ZNF790: variants seen among roughly 807,000 people sequenced by gnomAD.
ZNF790 encodes the protein zinc finger protein 790.
ZNF790 carries 8 observed loss-of-function variants against 12.1 expected under a neutral mutation model. That is an observed-to-expected ratio of 0.66 (90% CI 0.39 to 1.19). The LOEUF is 1.19. ZNF790 is among the 50% of genes most tolerant of loss of function. ZNF790 has a pLI of 0.01. For missense variants in ZNF790, 707 were observed against 752.2 expected, an observed-to-expected ratio of 0.94 and a Z score of 0.70; for synonymous variants, 252 against 244.3, an observed-to-expected ratio of 1.03 and a Z score of -0.29.
intron 1 of ZNF790, among the ~76,000 whole-genome samples, chr19:36,826,145 C>G (rs989991798): frequency 1.3e-5 from 2 of 152,120 alleles, no homozygotes. Flanking sequence ...CTGGGCCTTT[C>G]CCTTATAGGA....
chr19:36,846,550 C>A (rs565503411), intron 1 of ZNF790, among the ~76,000 whole-genome samples: 2 of 151,192 alleles, frequency 1.3e-5, no homozygotes, highest in East Asian at 3.9e-4. Flanking sequence ...GGCGACAGAG[C>A]GAGACTCCGT....
upstream of ZNF790, chr19:36,850,398 CAAG>C (rs1334260836): frequency 6.6e-6 from 1 of 152,252 alleles, no homozygotes; most frequent in African/African-American, 2.4e-5. Flanking sequence ...CTTAAACAGG[CAAG>C]AAGGACTTGG....
intron 1 of ZNF790, among the ~76,000 whole-genome samples, chr19:36,836,793 C>G (rs2072056026): frequency 1.3e-5 from 2 of 152,060 alleles, no homozygotes; most frequent in African/African-American, 4.8e-5. Context: ...AAGCCCCTAC[C>G]CAACAATCAA....
rs762264665 is a variant in ZNF790, at chr19:36,819,868, A to G, written c.476T>C (p.Leu159Pro). 1.9e-6 allele frequency: 3 copies of G among 1,614,076 alleles called. No homozygotes were observed. In the African/African-American group the frequency reaches 4.0e-5, roughly 22 times the overall value. Reference protein sequence around the residue: ...PTFNQHTVFNLHQRLNTGDKL... With the variant: ...PTFNQHTVFNPHQRLNTGDKL... Reference sequence around the variant, plus strand: ...GTCTCCTGTATTAAGTCTCTGGTGTAGATTAAACACTGTATGCTGGTTAAA... The same window carrying G: ...GTCTCCTGTATTAAGTCTCTGGTGTGGATTAAACACTGTATGCTGGTTAAA... Residue 159 changes from leucine to proline, a missense_variant, in exon 5 of 5, where the codon CTA (leucine) becomes CCA (proline). By Grantham distance (98) the Leu-to-Pro change is moderately conservative. Coordinates refer to ENST00000356725, the MANE Select transcript of ZNF790 (RefSeq NM_206894.4).
chr19:36,840,380 T>G (rs1258257760), upstream of ZNF790, among the ~76,000 whole-genome samples: 1 of 152,180 alleles, frequency 6.6e-6, no homozygotes, highest in Non-Finnish European at 1.5e-5. Flanking sequence ...GGAAACCAGG[T>G]GCACACTGCG....
intron 1 of ZNF790, among the ~76,000 whole-genome samples, chr19:36,827,439 C>T (rs1358536442): frequency 1.3e-5 from 2 of 151,756 alleles, no homozygotes; most frequent in Non-Finnish European, 2.9e-5. Flanking sequence ...TGACTGGGCT[C>T]AAGGAACACA....
intron 1 of ZNF790, among the ~76,000 whole-genome samples, chr19:36,844,016 A>AT (rs2072153388): frequency 6.7e-6 from 1 of 150,244 alleles, no homozygotes; most frequent in African/African-American, 2.5e-5. Context: ...TCAAAAAAAA[A>AT]AAAAAATTAA....
chr19:36,845,430 T>C (rs1159501806), intron 1 of ZNF790, among the ~76,000 whole-genome samples: 1 of 149,092 alleles, frequency 6.7e-6, no homozygotes, highest in Non-Finnish European at 1.5e-5. Flanking sequence ...AAAAAATTAG[T>C]AGGGAAAGAA....
intron 1 of ZNF790, among the ~76,000 whole-genome samples, chr19:36,845,094 T>C (rs2072168006): frequency 1.3e-5 from 2 of 150,370 alleles, no homozygotes; most frequent in African/African-American, 4.9e-5. Context: ...AATGGAGTTT[T>C]TCGAGAAGAA....
chr19:36,826,881 T>C (rs895475804), intron 1 of ZNF790, among the ~76,000 whole-genome samples: 1 of 149,726 alleles, frequency 6.7e-6, no homozygotes, highest in African/African-American at 2.4e-5. Flanking sequence ...TTCAGCTGAC[T>C]CTTGAGGGGC....
intron 1 of ZNF790, among the ~76,000 whole-genome samples, chr19:36,826,333 C>G (rs557655586): frequency 6.6e-6 from 1 of 152,074 alleles, no homozygotes; most frequent in South Asian, 2.1e-4. Context: ...CGCCTGTAAT[C>G]CCAGCACTTT....
chr19:36,842,243 C>G (rs1026987006), upstream of ZNF790, among the ~76,000 whole-genome samples: 3 of 152,022 alleles, frequency 2.0e-5, no homozygotes, highest in Non-Finnish European at 2.9e-5. Context: ...GGACTTGTAT[C>G]CAGAATATAT....
intron 4 of ZNF790, among the ~76,000 whole-genome samples, chr19:36,822,234 CAA>C (rs1225674789): frequency 6.6e-6 from 1 of 151,562 alleles, no homozygotes; most frequent in East Asian, 1.9e-4. Context: ...GGAAAAATGA[CAA>C]AAATTCAAAA....
intron 1 of ZNF790, among the ~76,000 whole-genome samples, chr19:36,845,487 C>A (rs1205579319): frequency 6.6e-6 from 1 of 151,310 alleles, no homozygotes; most frequent in Non-Finnish European, 1.5e-5. Context: ...ATATTGACTG[C>A]ACAAAGTAAT....
chr19:36,818,227 A>G lies in ZNF790; in HGVS notation c.*206T>C. 5.0e-6 allele frequency: 2 copies of G among 396,706 alleles called. No individual in the cohort carries two copies. Among genetic ancestry groups the G allele is most frequent in the Non-Finnish European group, 8.8e-6 (2 of 226,066 alleles). 24.6% of individuals were successfully genotyped at this position (396,706 alleles called of 1,614,324 possible). A position where few individuals can be genotyped will look rare whatever the true frequency, so the allele number is the denominator to read the frequency against. On this transcript the variant is annotated 3_prime_UTR_variant, in exon 5 of 5. Coordinates refer to ENST00000356725, the MANE Select transcript of ZNF790 (RefSeq NM_206894.4). ...ATAAAATTTTACCCTGATATTCTGCAATTGATAACTGATCAGTAATTTCTT... is the reference window on the plus strand; with the variant it reads ...ATAAAATTTTACCCTGATATTCTGCGATTGATAACTGATCAGTAATTTCTT...
upstream of ZNF790, among the ~76,000 whole-genome samples, chr19:36,840,416 A>G (rs971516263): frequency 6.6e-6 from 1 of 152,208 alleles, no homozygotes; most frequent in African/African-American, 2.4e-5. Flanking sequence ...GTAAATTTAT[A>G]TGGGATTTAT....
chr19:36,822,889 C>A (rs889308819), intron 4 of ZNF790, among the ~76,000 whole-genome samples: 1 of 151,374 alleles, frequency 6.6e-6, no homozygotes, highest in African/African-American at 2.4e-5. Context: ...CTCACTCTGT[C>A]GACCAGACTG....
intron 2 of ZNF790, 147 bp downstream of exon 2, chr19:36,825,464 C>T: frequency 1.1e-6 from 1 of 882,364 alleles, no homozygotes; most frequent in Non-Finnish European, 1.9e-6. Context: ...AGAGGGATAT[C>T]TAGGGAAAGC....
At position 36,823,826 on chromosome 19, in the gene ZNF790, A is replaced by C. The variant is rs766620013; in HGVS notation, c.10-36T>G. 1.9e-5 allele frequency: 29 copies of C among 1,566,364 alleles called. No individual in the cohort carries two copies. The Admixed American group carries it at 5.5e-4, about 30-fold the overall frequency. On this transcript the variant is annotated intron_variant, in intron 2 of 4. Transcript: ENST00000356725. ...GAATAATTCCAAGTATTAATGGTGAAATTTTTAAAAATAATTATAATCCCT... is the reference window on the plus strand; with the variant it reads ...GAATAATTCCAAGTATTAATGGTGACATTTTTAAAAATAATTATAATCCCT...
Sources: allele counts gnomAD v4.1 joint callset (sites outside exome capture counted in the v4.1 genomes callset), GRCh38; gene constraint gnomAD v4.1.1; transcripts MANE v1.5; gene names NCBI Gene and HGNC (gene_info 2026-07-23, HGNC 2026-07-21).